CDH13: variants seen among roughly 807,000 people sequenced by gnomAD.
The protein encoded by CDH13 is cadherin-13.
A neutral mutation model predicts 63.8 loss-of-function variants in CDH13; 24 were observed. The ratio of observed to expected loss-of-function variants is 0.38; its 90% CI spans 0.27 to 0.53. CDH13 has a LOEUF of 0.53. Among genes scored for constraint, CDH13 ranks in the 20% least tolerant of loss-of-function variants. The probability of loss-of-function intolerance (pLI) is 0.85; values close to 1 mark genes in which losing one functional copy is unlikely to be tolerated. For missense variants in CDH13, 1,049 were observed against 903.1 expected (o/e 1.16, Z -2.07); for synonymous variants, 503 against 355.3 (o/e 1.42, Z -4.67).
chr16:83,262,748 A>C (rs976043555), intron 5 of CDH13, among the ~76,000 whole-genome samples: 1 of 152,212 alleles, frequency 6.6e-6, no homozygotes, highest in Non-Finnish European at 1.5e-5. Context: ...CACTAGAATA[A>C]CTTGTAACAA....
chr16:83,359,606 C>G (rs762461124), intron 6 of CDH13, among the ~76,000 whole-genome samples: 1 of 152,130 alleles, frequency 6.6e-6, no homozygotes, highest in Non-Finnish European at 1.5e-5. Context: ...TGTGGCAGCA[C>G]TTTGTACGAG....
At chr16:82,990,479 G>A (rs939296968) in intron 2 of CDH13, among the ~76,000 whole-genome samples, 4 of 151,928 alleles carry the variant, frequency 2.6e-5, no homozygotes, top group African/African-American at 9.7e-5. Context: ...AACTTGGATG[G>A]CAGTCTAGCC....
chr16:82,689,727 C>G (rs1052351687), intron 1 of CDH13, among the ~76,000 whole-genome samples: 1 of 152,014 alleles, frequency 6.6e-6, no homozygotes, highest in Non-Finnish European at 1.5e-5. Flanking sequence ...AGTGCCAGGC[C>G]TCACATTTAC....
At chr16:82,767,723 C>T (rs2035109332) in intron 1 of CDH13, among the ~76,000 whole-genome samples, 1 of 152,164 alleles carries the variant, frequency 6.6e-6, no homozygotes, top group African/African-American at 2.4e-5. Context: ...CATTGACTCC[C>T]TTGGGTTTCT....
intron 6 of CDH13, among the ~76,000 whole-genome samples, chr16:83,429,734 A>G (rs1431168182): frequency 6.6e-6 from 1 of 152,204 alleles, no homozygotes; most frequent in Non-Finnish European, 1.5e-5. Context: ...TACCTTTATA[A>G]TATTCCACTA....
chr16:82,898,115 AT>A (rs1482901414), intron 2 of CDH13, among the ~76,000 whole-genome samples: 1 of 152,278 alleles, frequency 6.6e-6, no homozygotes, highest in African/African-American at 2.4e-5. Context: ...AATAGTTTTT[AT>A]ACTGATTACA....
At chr16:83,512,915 C>A (rs1400823990) in intron 7 of CDH13, among the ~76,000 whole-genome samples, 2 of 152,026 alleles carry the variant, frequency 1.3e-5, no homozygotes, top group Admixed American at 6.6e-5. Flanking sequence ...TGATGCCAAG[C>A]CACACTAAAA....
intron 4 of CDH13, among the ~76,000 whole-genome samples, chr16:83,205,918 A>C (rs1412841983): frequency 6.6e-6 from 1 of 152,142 alleles, no homozygotes; most frequent in African/African-American, 2.4e-5. Context: ...AAAACATCTT[A>C]TTCAAAATCA....
chr16:83,256,295 A>C (rs2151830745), intron 5 of CDH13, among the ~76,000 whole-genome samples: 1 of 152,206 alleles, frequency 6.6e-6, no homozygotes, highest in Admixed American at 6.5e-5. Flanking sequence ...AGCCTCCCAA[A>C]GTGCTGGGAT....
At chr16:83,319,019 T>A (rs957794886) in intron 5 of CDH13, among the ~76,000 whole-genome samples, 2 of 150,922 alleles carry the variant, frequency 1.3e-5, no homozygotes, top group East Asian at 1.9e-4. Flanking sequence ...TTATACAAAA[T>A]ATATATATAA....
intron 6 of CDH13, among the ~76,000 whole-genome samples, chr16:83,376,975 AGGGCCTTGAAGGATGACATACT>A (rs1325763335): frequency 1.3e-4 from 20 of 152,240 alleles, no homozygotes; most frequent in Admixed American, 9.8e-4. Flanking sequence ...GCTATATGAA[AGGGCCTTGAAGGATGACATACT>A]GTATGAACAG....
chr16:82,881,315 T>G (rs1192866286), intron 2 of CDH13, among the ~76,000 whole-genome samples: 4 of 151,818 alleles, frequency 2.6e-5, no homozygotes, highest in African/African-American at 4.8e-5. Flanking sequence ...GTGTAGGAAG[T>G]TTATTAGGGA....
chr16:83,780,117 C>T lies in CDH13; in HGVS notation c.1831C>T (p.Leu611Phe), dbSNP rs1567591044. ...CATTTTGGGAGCATCAGATAAGGAT[C>T]TTCACCCGAATACAGATCCTTTCAA... ...VVILGASDKD[L>F]HPNTDPFKFE... Residue 611 changes from leucine (L) to phenylalanine (F), a missense_variant, in exon 12 of 14, where the codon CTT (leucine) becomes TTT (phenylalanine). Transcript: ENST00000567109. 1 of 1,613,728 alleles carries T rather than the reference C, an allele frequency of 6.2e-7. No individual in the cohort carries two copies. The highest frequency in any genetic ancestry group is 8.5e-7 in the Non-Finnish European group (1 of 1,179,746).
intron 6 of CDH13, among the ~76,000 whole-genome samples, chr16:83,400,810 C>T (rs538490821): frequency 1.4e-4 from 21 of 152,138 alleles, no homozygotes; most frequent in Admixed American, 3.3e-4. Context: ...TAGAATGGCA[C>T]GTACCTGGCC....
chr16:83,095,666 A>T (rs1295988388), intron 3 of CDH13, among the ~76,000 whole-genome samples: 1 of 152,224 alleles, frequency 6.6e-6, no homozygotes, highest in Non-Finnish European at 1.5e-5. Context: ...CTAACTTGTT[A>T]GTTGAAGTGA....
chr16:82,834,975 G>A (rs1203529868), intron 1 of CDH13, among the ~76,000 whole-genome samples: 2 of 152,072 alleles, frequency 1.3e-5, no homozygotes, highest in East Asian at 1.9e-4. Flanking sequence ...TGTTTGCTCA[G>A]GCCTGCTCTG....
At chr16:83,275,519 T>A (rs2088959575) in intron 5 of CDH13, among the ~76,000 whole-genome samples, 1 of 152,160 alleles carries the variant, frequency 6.6e-6, no homozygotes, top group Non-Finnish European at 1.5e-5. Context: ...TGTGTTTTAT[T>A]TCCTTGATCT....
At chr16:83,621,738 C>T (rs942469786) in intron 8 of CDH13, among the ~76,000 whole-genome samples, 4 of 151,922 alleles carry the variant, frequency 2.6e-5, no homozygotes, top group East Asian at 3.9e-4. Context: ...CCACCCGCCT[C>T]GGCCTCCCAA....
chr16:82,687,483 C>G (rs142305655), intron 1 of CDH13, among the ~76,000 whole-genome samples: 1 of 152,120 alleles, frequency 6.6e-6, no homozygotes, highest in African/African-American at 2.4e-5. Flanking sequence ...GCCTCACAAT[C>G]ATGGCAGAAG....
Sources: allele counts gnomAD v4.1 joint callset (sites outside exome capture counted in the v4.1 genomes callset), GRCh38; gene constraint gnomAD v4.1.1; transcripts MANE v1.5; gene names NCBI Gene and HGNC (gene_info 2026-07-23, HGNC 2026-07-21).